The following SH3D19 variants were observed in gnomAD, a reference collection of about 807,000 sequenced individuals.
The protein encoded by SH3D19 is SH3 domain containing 19.
Under a neutral mutation model 112.1 loss-of-function variants are expected in SH3D19, and 58 were observed. The observed-to-expected ratio is 0.52, with a 90% confidence interval of 0.42 to 0.64. SH3D19 has a LOEUF of 0.64. Among genes scored for constraint, SH3D19 ranks in the 30% least tolerant of loss-of-function variants. The pLI is 0.00. For missense variants in SH3D19, 1,090 were observed against 1,263.4 expected (o/e 0.86, Z 2.08); for synonymous variants, 391 against 448.5 (o/e 0.87, Z 1.62).
At position 151,144,059 on chromosome 4, in the gene SH3D19, T is replaced by C. The variant is rs1753487086; in HGVS notation, c.2083-9A>G. ...ACAAGTACATCCCCACGCTGCAAGG[T>C]ACAATACCACTCTCTGAAGCAATTA... On this transcript the variant is annotated splice_polypyrimidine_tract_variant and intron_variant, in intron 11 of 19. Transcript: ENST00000604030. The C allele has an allele frequency of 6.2e-7, 1 of 1,608,064 alleles. No individual in the cohort carries two copies. The highest frequency in any genetic ancestry group is 1.3e-5 in the African/African-American group (1 of 74,514).
At chr4:151,219,177 T>C (rs989385450) in intron 2 of SH3D19, among the ~76,000 whole-genome samples, 1 of 152,194 alleles carries the variant, frequency 6.6e-6, no homozygotes, top group African/African-American at 2.4e-5. Flanking sequence ...AGAATCCTCA[T>C]CTTCAATATC....
Position 151,227,892 on chromosome 4 carries a change from G to A in SH3D19, c.113-1806C>T, listed in dbSNP as rs1040286861. 19 of 985,138 alleles carry A rather than the reference G, an allele frequency of 1.9e-5. No individual in the cohort carries two copies. In the African/African-American group the frequency reaches 3.3e-4, roughly 17 times the overall value. 61.0% of individuals were successfully genotyped at this position (985,138 alleles called of 1,614,324 possible). On this transcript the variant is annotated intron_variant, in intron 1 of 19. Transcript: ENST00000604030. Reference sequence around the variant, plus strand: ...CTTCCTAGTGGTACAACACACAAGAGGAAGGGAGAAACAGAGTCACGATGC... The same window carrying A: ...CTTCCTAGTGGTACAACACACAAGAAGAAGGGAGAAACAGAGTCACGATGC...
chr4:151,173,439 T>G (rs1461307955), intron 7 of SH3D19, among the ~76,000 whole-genome samples: 1 of 152,248 alleles, frequency 6.6e-6, no homozygotes, highest in African/African-American at 2.4e-5. Context: ...ACTGGGCAAG[T>G]GATCCATAGA....
At chr4:151,136,636 A>G (rs1228998791) in intron 14 of SH3D19, among the ~76,000 whole-genome samples, 1 of 152,250 alleles carries the variant, frequency 6.6e-6, no homozygotes, top group Non-Finnish European at 1.5e-5. Flanking sequence ...GTGGGCTTAG[A>G]AATAACACTT....
At chr4:151,282,997 G>T in intron 1 of SH3D19, 1 of 749,842 alleles carries the variant, frequency 1.3e-6, no homozygotes, top group Non-Finnish European at 2.2e-6. Flanking sequence ...AAATATGATT[G>T]GAAAGGCATT....
At chr4:151,195,469 G>T (rs1261116278) in intron 2 of SH3D19, among the ~76,000 whole-genome samples, 2 of 151,284 alleles carry the variant, frequency 1.3e-5, no homozygotes, top group African/African-American at 4.9e-5. Flanking sequence ...CAGGCATTGT[G>T]CTGGGCACCA....
At chr4:151,177,500 C>A (rs1760131490) in intron 4 of SH3D19, among the ~76,000 whole-genome samples, 1 of 152,174 alleles carries the variant, frequency 6.6e-6, no homozygotes, top group Non-Finnish European at 1.5e-5. Flanking sequence ...AGGCATGTGC[C>A]ACCATACCCA....
At chr4:151,217,442 A>T (rs1225920351) in intron 2 of SH3D19, among the ~76,000 whole-genome samples, 1 of 152,168 alleles carries the variant, frequency 6.6e-6, no homozygotes, top group Non-Finnish European at 1.5e-5. Flanking sequence ...TGAGAGTACT[A>T]AACTATGTGC....
intron 17 of SH3D19, 66 bp downstream of exon 17, chr4:151,132,265 G>T: frequency 1.5e-6 from 2 of 1,292,754 alleles, no homozygotes; most frequent in South Asian, 1.3e-5. Flanking sequence ...TGAAAATTAT[G>T]ATTTTAATAT....
chr4:151,314,128 TC>T (rs1729762757), intron 1 of SH3D19, among the ~76,000 whole-genome samples: 1 of 152,052 alleles, frequency 6.6e-6, no homozygotes, highest in South Asian at 2.1e-4. Flanking sequence ...ACAAATGAAC[TC>T]TCAGTCCCAT....
chr4:151,188,642 C>T (rs967876800), intron 2 of SH3D19, among the ~76,000 whole-genome samples: 6 of 152,190 alleles, frequency 3.9e-5, no homozygotes, highest in Admixed American at 1.3e-4. Flanking sequence ...TTAGTGAATA[C>T]ATCACAATCT....
intron 1 of SH3D19, among the ~76,000 whole-genome samples, chr4:151,242,533 T>G (rs1770645201): frequency 6.6e-6 from 1 of 152,210 alleles, no homozygotes; most frequent in South Asian, 2.1e-4. Flanking sequence ...CAGGTGGCTT[T>G]TCAGGCAACA....
intron 8 of SH3D19, among the ~76,000 whole-genome samples, chr4:151,160,436 C>T (rs1388737540): frequency 6.6e-6 from 1 of 152,168 alleles, no homozygotes. Flanking sequence ...TAATTGCCCT[C>T]AATTAAACAA....
chr4:151,256,038 G>GGGAGAA, intron 1 of SH3D19, among the ~76,000 whole-genome samples: 1 of 151,234 alleles, frequency 6.6e-6, no homozygotes, highest in Admixed American at 6.6e-5. Context: ...GAGAGGGAGA[G>GGGAGAA]GGAGAGGGAG....
At chr4:151,300,383 A>C (rs1728268404) in intron 1 of SH3D19, 2 of 152,198 alleles carry the variant, frequency 1.3e-5, no homozygotes, top group Non-Finnish European at 2.9e-5. Flanking sequence ...TTTAGCAAAT[A>C]CTGAGTTCAT....
intron 1 of SH3D19, among the ~76,000 whole-genome samples, chr4:151,316,277 A>T (rs1451213261): frequency 6.6e-6 from 1 of 152,214 alleles, no homozygotes. Flanking sequence ...CGTCAGGGTC[A>T]TCAAAAACAA....
At chr4:151,274,016 T>G (rs770240983) in intron 1 of SH3D19, among the ~76,000 whole-genome samples, 123 of 152,124 alleles carry the variant, frequency 8.1e-4, no homozygotes, top group Non-Finnish European at 1.3e-3. Context: ...ATAAAATCAG[T>G]GAGTAGCAGA....
intron 17 of SH3D19, among the ~76,000 whole-genome samples, chr4:151,131,640 C>A (rs578247114): frequency 3.9e-5 from 6 of 152,002 alleles, no homozygotes; most frequent in Non-Finnish European, 8.8e-5. Flanking sequence ...GCGCTGGTCA[C>A]CACACCCGGC....
At chr4:151,154,433 C>T (rs1755688573) in intron 9 of SH3D19, among the ~76,000 whole-genome samples, 1 of 151,368 alleles carries the variant, frequency 6.6e-6, no homozygotes, top group African/African-American at 2.4e-5. Context: ...TGCGCCCGGC[C>T]CACACCTGGC....
Sources: gnomAD v4.1 joint callset for allele counts (sites outside exome capture counted in the v4.1 genomes callset) on GRCh38, gnomAD v4.1.1 for gene constraint, MANE v1.5 for transcripts, NCBI Gene and HGNC (gene_info 2026-07-23, HGNC 2026-07-21) for gene names.